The following PKIB variants were observed in gnomAD, a reference collection of about 807,000 sequenced individuals.
PKIB encodes PKI-beta.
PKIB carries 2 observed loss-of-function variants against 4.5 expected under a neutral mutation model. That is an observed-to-expected ratio of 0.44 (90% CI 0.18 to 1.39). PKIB has a LOEUF of 1.39. Among genes scored for constraint, PKIB ranks in the 40% most tolerant of loss-of-function variants. The pLI, the probability that PKIB is intolerant of heterozygous loss-of-function variation, is 0.27. For missense variants in PKIB, 94 were observed against 92.6 expected (o/e 1.02, Z -0.06); for synonymous variants, 38 against 36.0 (o/e 1.06, Z -0.20).
intron 3 of PKIB, among the ~76,000 whole-genome samples, chr6:122,681,034 C>T (rs1242776844): frequency 3.9e-5 from 6 of 152,052 alleles, no homozygotes; most frequent in African/African-American, 2.4e-5. Context: ...AAAATGTGCT[C>T]GTCTCTCCTG....
At chr6:122,545,839 G>A (rs900867362) in intron 2 of PKIB, among the ~76,000 whole-genome samples, 9 of 146,942 alleles carry the variant, frequency 6.1e-5, no homozygotes, top group Non-Finnish European at 1.1e-4. Flanking sequence ...TCCATCATGT[G>A]AAAAAAAAAA....
At chr6:122,719,717 AC>A (rs1469640312) in intron 4 of PKIB, among the ~76,000 whole-genome samples, 1 of 498 alleles carries the variant, frequency 2.0e-3, no homozygotes, top group Non-Finnish European at 3.9e-3. Flanking sequence ...CACCACACAT[AC>A]ACACACACAC....
intron 2 of PKIB, among the ~76,000 whole-genome samples, chr6:122,642,380 G>T (rs1160501834): frequency 6.6e-5 from 10 of 152,202 alleles, no homozygotes; most frequent in African/African-American, 2.4e-4. Context: ...TGTTCTGTTT[G>T]TTATTCTGCT....
At chr6:122,607,338 C>G (rs958762656), upstream of PKIB, among the ~76,000 whole-genome samples, 2 of 151,254 alleles carry the variant, frequency 1.3e-5, no homozygotes, top group African/African-American at 4.9e-5. Flanking sequence ...CAAAACAAAA[C>G]AAAAAAACAA....
intron 3 of PKIB, among the ~76,000 whole-genome samples, chr6:122,714,984 A>G (rs887139396): frequency 3.3e-5 from 5 of 151,504 alleles, no homozygotes; most frequent in African/African-American, 1.2e-4. Context: ...ACAGGGTTTC[A>G]CCATCTTGGC....
chr6:122,529,377 T>G (rs938123747), intron 2 of PKIB, among the ~76,000 whole-genome samples: 5 of 152,222 alleles, frequency 3.3e-5, no homozygotes, highest in Admixed American at 1.3e-4. Context: ...AGGTTACAAT[T>G]TACATTTTCA....
At chr6:122,549,582 A>G (rs373859999) in intron 2 of PKIB, among the ~76,000 whole-genome samples, 11 of 152,268 alleles carry the variant, frequency 7.2e-5, no homozygotes, top group African/African-American at 2.4e-4. Flanking sequence ...ACATCAGTTC[A>G]GTGAGTGTGA....
chr6:122,616,911 G>C (rs1000648279), intron 1 of PKIB, among the ~76,000 whole-genome samples: 3 of 152,212 alleles, frequency 2.0e-5, no homozygotes, highest in Non-Finnish European at 2.9e-5. Context: ...AGACGAGTAG[G>C]CAAAGAGAGT....
chr6:122,670,580 A>G (rs2114942798), intron 2 of PKIB, among the ~76,000 whole-genome samples: 2 of 152,168 alleles, frequency 1.3e-5, no homozygotes, highest in East Asian at 3.9e-4. Context: ...CTCTGTTTCA[A>G]TATTCTTTAT....
At chr6:122,482,880 G>C (rs1245699837) in intron 2 of PKIB, 2 of 152,128 alleles carry the variant, frequency 1.3e-5, no homozygotes, top group Non-Finnish European at 2.9e-5. Context: ...CCAACTGCAC[G>C]TGCAAGGCTC....
At chr6:122,531,785 G>T (rs1392786944) in intron 2 of PKIB, among the ~76,000 whole-genome samples, 1 of 152,208 alleles carries the variant, frequency 6.6e-6, no homozygotes, top group Non-Finnish European at 1.5e-5. Context: ...ATACTAGACT[G>T]TGAATTGCTT....
chr6:122,700,309 G>T (rs28635474), intron 3 of PKIB, among the ~76,000 whole-genome samples: 1 of 148,950 alleles, frequency 6.7e-6, no homozygotes, highest in East Asian at 2.0e-4. Flanking sequence ...GTGGTGGTGG[G>T]GTGGTGGTGT....
intron 2 of PKIB, among the ~76,000 whole-genome samples, chr6:122,517,581 T>A (rs1402938865): frequency 6.6e-6 from 1 of 152,210 alleles, no homozygotes; most frequent in African/African-American, 2.4e-5. Context: ...CTAACCCTTC[T>A]CCTGTTTGCC....
chr6:122,478,796 A>G (rs1480487782), intron 2 of PKIB: 1 of 152,178 alleles, frequency 6.6e-6, no homozygotes, highest in East Asian at 1.9e-4. Context: ...AAAACAAAAA[A>G]CAAAAAAAAC....
chr6:122,655,584 G>T (rs1228240288), intron 2 of PKIB, among the ~76,000 whole-genome samples: 1 of 152,104 alleles, frequency 6.6e-6, no homozygotes, highest in Middle Eastern at 3.2e-3. Context: ...TTTATAAGCT[G>T]CCCACTCTAT....
intron 1 of PKIB, among the ~76,000 whole-genome samples, chr6:122,626,134 G>C (rs773748209): frequency 6.6e-6 from 1 of 152,048 alleles, no homozygotes; most frequent in African/African-American, 2.4e-5. Flanking sequence ...AAAATTAATA[G>C]TAGGTAAATC....
At chr6:122,529,123 C>T (rs1307318920) in intron 2 of PKIB, among the ~76,000 whole-genome samples, 1 of 152,128 alleles carries the variant, frequency 6.6e-6, no homozygotes, top group Non-Finnish European at 1.5e-5. Context: ...GTATATCTTA[C>T]AGCTTCTCTG....
At chr6:122,592,210 G>T (rs1020380446) in intron 3 of PKIB, among the ~76,000 whole-genome samples, 6 of 151,874 alleles carry the variant, frequency 4.0e-5, no homozygotes, top group Non-Finnish European at 8.8e-5. Context: ...TATTTTGGAA[G>T]CTGGCAGGGC....
intron 2 of PKIB, among the ~76,000 whole-genome samples, chr6:122,570,460 T>C (rs2114690365): frequency 6.6e-6 from 1 of 152,084 alleles, no homozygotes; most frequent in African/African-American, 2.4e-5. Context: ...AATAAAACAC[T>C]GGAGAAAAAT....
Sources: gnomAD v4.1 joint callset for allele counts (sites outside exome capture counted in the v4.1 genomes callset) on GRCh38, gnomAD v4.1.1 for gene constraint, MANE v1.5 for transcripts, NCBI Gene and HGNC (gene_info 2026-07-23, HGNC 2026-07-21) for gene names.